HECW2: variants seen among roughly 807,000 people sequenced by gnomAD.
HECW2 encodes the protein HECT, C2 and WW domain containing E3 ubiquitin protein ligase 2, also known as E3 ubiquitin-protein ligase HECW2.
HECW2 carries 61 observed loss-of-function variants against 175.2 expected under a neutral mutation model. The observed-to-expected ratio is 0.35, with a 90% CI of 0.28 to 0.43. HECW2 has a LOEUF of 0.43. HECW2 is among the 20% of genes least tolerant of loss of function. The pLI, the probability that HECW2 is intolerant of heterozygous loss-of-function variation, is 1.00. For synonymous variants in HECW2, 671 were observed against 731.0 expected (o/e 0.92, Z 1.32); for missense variants, 1,524 against 2,000.5 (o/e 0.76, Z 4.54).
intron 2 of HECW2, among the ~76,000 whole-genome samples, chr2:196,385,810 T>G (rs955034443): frequency 6.6e-6 from 1 of 152,220 alleles, no homozygotes; most frequent in Non-Finnish European, 1.5e-5. Flanking sequence ...GGTTTTGTTT[T>G]TTTTCCTAAT....
At chr2:196,304,800 C>A (rs1241764176) in intron 13 of HECW2, among the ~76,000 whole-genome samples, 1 of 152,212 alleles carries the variant, frequency 6.6e-6, no homozygotes, top group Admixed American at 6.5e-5. Context: ...TTCCCAGGCT[C>A]AAATCTGACT....
chr2:196,280,625 T>C (rs1479301127), intron 14 of HECW2, among the ~76,000 whole-genome samples: 1 of 152,212 alleles, frequency 6.6e-6, no homozygotes, highest in Non-Finnish European at 1.5e-5. Context: ...GGGTAATGTT[T>C]CCTCTTCACT....
intron 3 of HECW2, among the ~76,000 whole-genome samples, chr2:196,342,157 C>A (rs150419690): frequency 6.6e-6 from 1 of 151,950 alleles, no homozygotes; most frequent in African/African-American, 2.4e-5. Context: ...GTAATCCCAG[C>A]ACTTTGGGAG....
chr2:196,583,047 T>C (rs1690848699), intron 1 of HECW2, among the ~76,000 whole-genome samples: 1 of 152,174 alleles, frequency 6.6e-6, no homozygotes, highest in Non-Finnish European at 1.5e-5. Context: ...TTGAGACAAG[T>C]CCATGTTCAG....
intron 2 of HECW2, among the ~76,000 whole-genome samples, chr2:196,420,783 GAT>G (rs1695387460): frequency 6.6e-6 from 1 of 151,774 alleles, no homozygotes; most frequent in South Asian, 2.1e-4. Context: ...TTATCCAAAA[GAT>G]TACTGTTTTC....
intron 1 of HECW2, among the ~76,000 whole-genome samples, chr2:196,455,768 A>C (rs995053708): frequency 2.6e-5 from 4 of 152,174 alleles, no homozygotes; most frequent in Non-Finnish European, 5.9e-5. Context: ...GATAAAATAG[A>C]AAATTATTTT....
intron 26 of HECW2, chr2:196,218,293 T>C (rs1229097214): frequency 1.3e-5 from 2 of 152,202 alleles, no homozygotes; most frequent in Non-Finnish European, 2.9e-5. Context: ...GGTGTGAACA[T>C]ATGGCAGGTG....
At chr2:196,482,293 T>C (rs1686867564) in intron 1 of HECW2, among the ~76,000 whole-genome samples, 1 of 152,248 alleles carries the variant, frequency 6.6e-6, no homozygotes, top group East Asian at 1.9e-4. Flanking sequence ...GTTATTGGAC[T>C]GACGGTGCCA....
intron 1 of HECW2, among the ~76,000 whole-genome samples, chr2:196,469,884 TA>T (rs1215497962): frequency 6.6e-6 from 1 of 152,052 alleles, no homozygotes; most frequent in African/African-American, 2.4e-5. Context: ...GATGACTTTT[TA>T]TAAGGGAAAT....
At chr2:196,344,676 T>A (rs1475478457) in intron 2 of HECW2, among the ~76,000 whole-genome samples, 2 of 151,886 alleles carry the variant, frequency 1.3e-5, no homozygotes, top group Non-Finnish European at 2.9e-5. Flanking sequence ...CAATTTGGAG[T>A]TTTATAGGCA....
chr2:196,204,258 T>C (rs75125617), intron 28 of HECW2, among the ~76,000 whole-genome samples: 3,955 of 152,314 alleles, frequency 0.026, 174 homozygotes, highest in African/African-American at 0.089. Flanking sequence ...TCATAGTGGC[T>C]GCAACATTTT....
intron 28 of HECW2, among the ~76,000 whole-genome samples, chr2:196,204,009 G>A (rs1686969294): frequency 6.6e-6 from 1 of 152,096 alleles, no homozygotes; most frequent in South Asian, 2.1e-4. Context: ...ATATTTTAAG[G>A]TTGATGTTGT....
In HECW2 at chr2:196,198,306, C is replaced by T. The variant is rs1686752121; in HGVS notation, c.*2971G>A. On this transcript the variant is annotated 3_prime_UTR_variant, in exon 29 of 29. Transcript: ENST00000644978. ...ATTGACATACTATTACTTGCCATTG[C>T]TTCCCAATAGAAACAGCATTGATGT... 1 of 152,188 alleles carries T rather than the reference C, an allele frequency of 6.6e-6. No homozygotes were observed. Among genetic ancestry groups the T allele is most frequent in the African/African-American group, 2.4e-5 (1 of 41,438 alleles). The allele number at this position is 152,188 out of a possible 1,614,324, so 9.4% of individuals were successfully genotyped here.
intron 17 of HECW2, among the ~76,000 whole-genome samples, chr2:196,265,493 C>A (rs576058051): frequency 6.6e-6 from 1 of 151,866 alleles, no homozygotes; most frequent in African/African-American, 2.4e-5. Flanking sequence ...CCGCTCCCCA[C>A]CCCCAAAAGG....
At chr2:196,386,247 T>C (rs1694346927) in intron 2 of HECW2, among the ~76,000 whole-genome samples, 1 of 152,122 alleles carries the variant, frequency 6.6e-6, no homozygotes, top group Non-Finnish European at 1.5e-5. Flanking sequence ...AGGTAAATCA[T>C]ATAGTGTATA....
intron 2 of HECW2, among the ~76,000 whole-genome samples, chr2:196,377,743 T>C (rs1415152480): frequency 6.6e-6 from 1 of 152,206 alleles, no homozygotes; most frequent in Non-Finnish European, 1.5e-5. Context: ...GAAGCAAAGT[T>C]TCCATTTTAC....
At chr2:196,304,257 T>G (rs2105698049) in intron 13 of HECW2, among the ~76,000 whole-genome samples, 1 of 152,314 alleles carries the variant, frequency 6.6e-6, no homozygotes, top group Non-Finnish European at 1.5e-5. Context: ...ATTTACCTTA[T>G]CGGCTTCTGG....
chr2:196,401,639 G>A (rs1694819396), intron 2 of HECW2, among the ~76,000 whole-genome samples: 1 of 152,124 alleles, frequency 6.6e-6, no homozygotes, highest in African/African-American at 2.4e-5. Flanking sequence ...TTTCACAGAT[G>A]TTTTATATAC....
intron 7 of HECW2, among the ~76,000 whole-genome samples, chr2:196,320,671 T>G (rs1321505985): frequency 6.6e-6 from 1 of 152,216 alleles, no homozygotes; most frequent in African/African-American, 2.4e-5. Flanking sequence ...AAATTATTAT[T>G]ACGAGCACAA....
Sources: gnomAD v4.1 joint callset for allele counts (sites outside exome capture counted in the v4.1 genomes callset) on GRCh38, gnomAD v4.1.1 for gene constraint, MANE v1.5 for transcripts, NCBI Gene and HGNC (gene_info 2026-07-23, HGNC 2026-07-21) for gene names.